Variants in ERBIN observed in about 807,000 individuals in gnomAD.
ERBIN encodes densin-180-like protein.
In ERBIN, 60 loss-of-function variants were observed where a neutral mutation model predicts 158.4. The ratio of observed to expected loss-of-function variants is 0.38; its 90% confidence interval spans 0.31 to 0.47. The LOEUF (loss-of-function observed/expected upper bound fraction) is 0.47, where lower values mean the gene tolerates loss of function less well. Ranked by LOEUF, ERBIN falls within the 20% of genes least tolerant of loss-of-function variation. ERBIN has a pLI of 0.99. For missense variants in ERBIN, 1,610 were observed against 1,648.0 expected (o/e 0.98, Z 0.40); for synonymous variants, 594 against 557.2 (o/e 1.07, Z -0.93).
rs780830717 is a variant in ERBIN at position 66,028,277 on chromosome 5, A to G, written c.1140A>G (p.Leu380=). ...LKVINLSDNR[L]KNLPFSFTKL... ...TGTTTGTATTTTTTTCCTACAGATT[A>G]AAGAATTTACCCTTTAGCTTTACAA... Residue 380 remains leucine, a synonymous_variant, in exon 14 of 26, where the codon TTA becomes TTG. Coordinates refer to ENST00000284037, the MANE Select transcript of ERBIN (RefSeq NM_001253697.2). The G allele has an allele frequency of 1.2e-6, 2 of 1,606,774 alleles. No individual in the cohort carries two copies. Among genetic ancestry groups the G allele is most frequent in the Non-Finnish European group, 1.7e-6 (2 of 1,175,968 alleles).
chr5:66,000,959 C>T (rs139237010), intron 4 of ERBIN, among the ~76,000 whole-genome samples: 20 of 151,974 alleles, frequency 1.3e-4, no homozygotes, highest in Admixed American at 7.9e-4. Context: ...TTTTAATCAA[C>T]CTGTAGTATT....
In ERBIN at chr5:66,075,041, A is replaced by G; in HGVS notation, c.3774A>G (p.Gly1258=). The G allele has an allele frequency of 6.2e-7, 1 of 1,614,148 alleles. No homozygotes were observed. The highest frequency in any genetic ancestry group is 8.5e-7 in the Non-Finnish European group (1 of 1,180,018). Reference sequence around the variant, plus strand: ...TTTCTTAGATGCCTTTGAGTAATGGACAGATGGGCCAGCCTCTCAGGCCTC... The same window carrying G: ...TTTCTTAGATGCCTTTGAGTAATGGGCAGATGGGCCAGCCTCTCAGGCCTC... The part of the protein sequence containing the change: ...DSLMKMPLSN[G]QMGQPLRPQA... Residue 1258 remains glycine, a synonymous_variant, in exon 23 of 26, where the codon GGA becomes GGG. Coordinates refer to ENST00000284037, the MANE Select transcript of ERBIN (RefSeq NM_001253697.2).
chr5:65,950,770 T>C (rs1237406730), intron 1 of ERBIN, among the ~76,000 whole-genome samples: 1 of 152,084 alleles, frequency 6.6e-6, no homozygotes, highest in East Asian at 1.9e-4. Flanking sequence ...GTTTGACTAG[T>C]AATTTTAGCA....
intron 1 of ERBIN, among the ~76,000 whole-genome samples, chr5:65,975,464 C>T (rs532710565): frequency 6.6e-6 from 1 of 152,238 alleles, no homozygotes; most frequent in South Asian, 2.1e-4. Context: ...CGGCATCACG[C>T]CTGGCTAATT....
chr5:66,012,362 T>C (rs753221649), intron 5 of ERBIN, among the ~76,000 whole-genome samples: 1 of 152,192 alleles, frequency 6.6e-6, no homozygotes, highest in Non-Finnish European at 1.5e-5. Flanking sequence ...GTCTCACAGA[T>C]AGTTAATGTC....
chr5:66,028,203 G>A (rs1162169350), intron 13 of ERBIN, 71 bp from the exon 14 acceptor site: 2 of 1,170,728 alleles, frequency 1.7e-6, no homozygotes, highest in East Asian at 5.0e-5. Flanking sequence ...AAAACCTTTA[G>A]GTTGAACCCT....
chr5:66,077,369 T>G (rs1762083651), intron 25 of ERBIN, among the ~76,000 whole-genome samples: 1 of 152,040 alleles, frequency 6.6e-6, no homozygotes. Flanking sequence ...CCTAAACACT[T>G]ACAGTCTTAG....
intron 1 of ERBIN, among the ~76,000 whole-genome samples, chr5:65,981,908 C>A (rs139334524): frequency 4.6e-5 from 7 of 152,164 alleles, no homozygotes; most frequent in Non-Finnish European, 1.0e-4. Context: ...GTAAACAAGT[C>A]ACAAGGCCTG....
At chr5:65,933,564 C>G (rs933280972) in intron 1 of ERBIN, among the ~76,000 whole-genome samples, 10 of 152,182 alleles carry the variant, frequency 6.6e-5, no homozygotes, top group African/African-American at 2.4e-4. Flanking sequence ...TGGTTTTGCT[C>G]TCTGGCTGAC....
intron 1 of ERBIN, among the ~76,000 whole-genome samples, chr5:65,959,481 A>G (rs781032692): frequency 1.3e-5 from 2 of 152,244 alleles, no homozygotes; most frequent in Admixed American, 6.5e-5. Flanking sequence ...GTCATCTTAC[A>G]CAAAGTGAAG....
intron 19 of ERBIN, among the ~76,000 whole-genome samples, 155 bp from the exon 20 acceptor site, chr5:66,050,628 A>G (rs1373486146): frequency 1.3e-5 from 2 of 152,134 alleles, no homozygotes; most frequent in Admixed American, 1.3e-4. Flanking sequence ...TCTTTGTATT[A>G]GGACTGAATT....
chr5:65,943,893 CTG>C (rs1188322858), intron 1 of ERBIN, among the ~76,000 whole-genome samples: 3 of 152,188 alleles, frequency 2.0e-5, no homozygotes, highest in Non-Finnish European at 4.4e-5. Flanking sequence ...ATTTAACTTT[CTG>C]TGTCTATTAT....
At chr5:65,951,737 CTG>C (rs1390877472) in intron 1 of ERBIN, among the ~76,000 whole-genome samples, 1 of 152,170 alleles carries the variant, frequency 6.6e-6, no homozygotes, top group African/African-American at 2.4e-5. Context: ...TGTTTTTAGA[CTG>C]TGGTTACAGT....
rs758211406 is a variant in ERBIN at position 66,044,216 on chromosome 5, A to G, written c.1508A>G (p.His503Arg). 2 of 1,612,442 alleles carry G rather than the reference A, an allele frequency of 1.2e-6. No individual in the cohort carries two copies. The highest frequency in any genetic ancestry group is 1.3e-5 in the African/African-American group (1 of 74,834). ...NMVKTVQTIV[H>R]RLKDEETNED... ...GTCAAAACTGTTCAAACCATTGTAC[A>G]TAGATTAAAAGATGAAGAGACCAAT... The change falls in exon 17 of 26, where the codon CAT (histidine) becomes CGT (arginine). Residue 503 changes from histidine (H) to arginine (R), a missense_variant. His to Arg is a conservative substitution (Grantham distance 29). This residue lies in a region of ERBIN where 596 missense variants were observed against 711.9 expected (regional missense o/e 0.84). Coordinates refer to ENST00000284037, the MANE Select transcript of ERBIN (RefSeq NM_001253697.2).
chr5:65,928,859 A>G (rs1350752010), intron 1 of ERBIN, among the ~76,000 whole-genome samples: 1 of 152,218 alleles, frequency 6.6e-6, no homozygotes, highest in East Asian at 1.9e-4. Flanking sequence ...AGAGGTTAAT[A>G]GAGGAGTCAT....
intron 21 of ERBIN, among the ~76,000 whole-genome samples, chr5:66,062,015 A>G (rs1460242742): frequency 1.3e-5 from 2 of 152,002 alleles, no homozygotes; most frequent in South Asian, 2.1e-4. Context: ...TCTGACAATT[A>G]TGTGTCTTGG....
intron 18 of ERBIN, 86 bp downstream of exon 18, chr5:66,046,624 T>G: frequency 9.0e-7 from 1 of 1,115,194 alleles, no homozygotes. Context: ...TGATACTGAT[T>G]GTAGAAAATA....
intron 1 of ERBIN, among the ~76,000 whole-genome samples, chr5:65,983,446 ATTC>A (rs770093558): frequency 2.6e-5 from 4 of 151,820 alleles, no homozygotes; most frequent in Non-Finnish European, 4.4e-5. Flanking sequence ...TCCTATCTTT[ATTC>A]TTTTTCATAT....
intron 20 of ERBIN, among the ~76,000 whole-genome samples, chr5:66,052,072 C>CT (rs1000810200): frequency 2.2e-4 from 33 of 151,956 alleles, no homozygotes; most frequent in African/African-American, 7.5e-4. Context: ...TGGCACATGC[C>CT]TGTAGTCCCA....
Sources: allele counts gnomAD v4.1 joint callset (sites outside exome capture counted in the v4.1 genomes callset), GRCh38; gene constraint gnomAD v4.1.1; regional missense constraint gnomAD v4.1.1; transcripts MANE v1.5; gene names NCBI Gene and HGNC (gene_info 2026-07-23, HGNC 2026-07-21).